Variants in TNIK observed in about 807,000 individuals in gnomAD.
The protein encoded by TNIK is TRAF2 and NCK interacting kinase.
TNIK carries 49 observed loss-of-function variants against 191.3 expected under a neutral mutation model. The observed-to-expected ratio is 0.26, with a 90% CI of 0.20 to 0.32. TNIK has a LOEUF of 0.32. TNIK is among the 10% of genes least tolerant of loss of function. The pLI, the probability that TNIK is intolerant of heterozygous loss-of-function variation, is 1.00. For synonymous variants in TNIK, 594 were observed against 600.9 expected, an observed-to-expected ratio of 0.99 and a Z score of 0.17; for missense variants, 1,155 against 1,702.3, an observed-to-expected ratio of 0.68 and a Z score of 5.66.
intron 1 of TNIK, among the ~76,000 whole-genome samples, chr3:171,388,402 T>G (rs1489030342): frequency 2.0e-5 from 3 of 152,240 alleles, no homozygotes; most frequent in African/African-American, 7.2e-5. Context: ...ATGTAGTAAC[T>G]TACATATTTT....
chr3:171,299,136 A>G (rs190428597), intron 2 of TNIK, among the ~76,000 whole-genome samples: 1 of 152,228 alleles, frequency 6.6e-6, no homozygotes, highest in East Asian at 1.9e-4. Context: ...GACCTTTCCC[A>G]TCCATCTTCC....
At chr3:171,289,045 T>G (rs1188612385) in intron 2 of TNIK, among the ~76,000 whole-genome samples, 1 of 152,194 alleles carries the variant, frequency 6.6e-6, no homozygotes, top group Non-Finnish European at 1.5e-5. Flanking sequence ...ATAATGTATA[T>G]GTTCTCATTC....
chr3:171,404,387 A>T (rs1721397581), intron 1 of TNIK, among the ~76,000 whole-genome samples: 1 of 152,094 alleles, frequency 6.6e-6, no homozygotes, highest in Non-Finnish European at 1.5e-5. Context: ...ACATTTGTCA[A>T]TTTTTTTCCC....
rs150184267 is a variant in TNIK at position 171,437,232 on chromosome 3, T to G, written c.57+22775A>C. Among the ~76,000 whole-genome samples the G allele has an allele frequency of 3.7e-4, 56 of 152,250 alleles. No individual in the cohort carries two copies. In the East Asian group the frequency reaches 5.8e-3, roughly 16 times the overall value. ...TTGTAAAGGAAAAAAGCACCCAAGC[T>G]TAGTAGGAGGTACACAGTAGAGAAC... is the stretch of plus-strand genomic sequence containing the variant. On this transcript the variant is annotated intron_variant, in intron 1 of 32. Transcript: ENST00000436636.
intron 2 of TNIK, among the ~76,000 whole-genome samples, chr3:171,352,282 T>C (rs1273211208): frequency 6.6e-6 from 1 of 152,194 alleles, no homozygotes; most frequent in African/African-American, 2.4e-5. Flanking sequence ...CATGTGGCAT[T>C]AAAAACTCCA....
At chr3:171,368,781 G>A (rs1363340987) in intron 2 of TNIK, among the ~76,000 whole-genome samples, 1 of 151,976 alleles carries the variant, frequency 6.6e-6, no homozygotes, top group Non-Finnish European at 1.5e-5. Flanking sequence ...AATTTGTAAT[G>A]GAAATGCCAT....
At chr3:171,236,456 C>T (rs1359308694) in intron 2 of TNIK, among the ~76,000 whole-genome samples, 1 of 151,916 alleles carries the variant, frequency 6.6e-6, no homozygotes, top group Admixed American at 6.6e-5. Flanking sequence ...TGAAATAGGC[C>T]CTGGAGGCTC....
At chr3:171,351,919 T>C (rs1026329995) in intron 2 of TNIK, among the ~76,000 whole-genome samples, 2 of 152,222 alleles carry the variant, frequency 1.3e-5, no homozygotes, top group South Asian at 4.1e-4. Flanking sequence ...TCCTGAACCC[T>C]GGATTTATGC....
chr3:171,419,895 G>T (rs1050067184), intron 1 of TNIK, among the ~76,000 whole-genome samples: 1 of 152,204 alleles, frequency 6.6e-6, no homozygotes, highest in Non-Finnish European at 1.5e-5. Flanking sequence ...TACTGCAGAA[G>T]TGGAAGCACT....
chr3:171,210,862 A>AAC (rs1164508922), intron 4 of TNIK, among the ~76,000 whole-genome samples: 1 of 152,130 alleles, frequency 6.6e-6, no homozygotes, highest in Admixed American at 6.5e-5. Flanking sequence ...AAAAAAAAAA[A>AAC]AAAAAACAGA....
chr3:171,367,860 G>A (rs1402273954), intron 2 of TNIK, among the ~76,000 whole-genome samples: 1 of 152,106 alleles, frequency 6.6e-6, no homozygotes, highest in Non-Finnish European at 1.5e-5. Context: ...GTAAAAGAGA[G>A]CAAATCTCCT....
chr3:171,087,342 T>C lies in TNIK; in HGVS notation c.2886A>G (p.Glu962=). 1 of 1,613,836 alleles carries C rather than the reference T, an allele frequency of 6.2e-7. No individual in the cohort carries two copies. Among genetic ancestry groups the C allele is most frequent in the South Asian group, 1.1e-5 (1 of 91,066 alleles). ...ATGTCAGCTGTTGCCCAGCACCTAC[T>C]TCAGTCCCAGAGTCCATCTCCTGGG... ...THSQEMDSGT[E]YGMGSSTKAS... The change falls in exon 24 of 33, where the codon GAA becomes GAG. Residue 962 remains glutamate, a splice_region_variant and synonymous_variant. Coordinates refer to ENST00000436636, the MANE Select transcript of TNIK (RefSeq NM_015028.4).
chr3:171,337,258 C>G (rs984292960), intron 2 of TNIK, among the ~76,000 whole-genome samples: 15 of 152,168 alleles, frequency 9.9e-5, no homozygotes, highest in Admixed American at 2.0e-4. Context: ...CACGAATACC[C>G]CTTAGCTGGA....
chr3:171,314,916 A>T (rs1254592752), intron 2 of TNIK, among the ~76,000 whole-genome samples: 1 of 152,152 alleles, frequency 6.6e-6, no homozygotes, highest in Admixed American at 6.6e-5. Context: ...CTTTGCAAAC[A>T]AAAAGCATTT....
intron 1 of TNIK, among the ~76,000 whole-genome samples, chr3:171,454,822 A>G (rs143929108): frequency 6.6e-6 from 1 of 152,326 alleles, no homozygotes; most frequent in African/African-American, 2.4e-5. Flanking sequence ...GAGCCCCATG[A>G]GACCTCTCAC....
intron 2 of TNIK, among the ~76,000 whole-genome samples, chr3:171,269,773 A>G (rs1002052730): frequency 6.6e-6 from 1 of 152,234 alleles, no homozygotes; most frequent in Non-Finnish European, 1.5e-5. Context: ...TTTAGAGGGA[A>G]GGTGATATGT....
At chr3:171,165,928 T>C (rs1006150585) in intron 10 of TNIK, among the ~76,000 whole-genome samples, 28 of 152,182 alleles carry the variant, frequency 1.8e-4, no homozygotes, top group Non-Finnish European at 8.8e-5. Flanking sequence ...AGCTAGCCAT[T>C]AAACCTGCTC....
intron 22 of TNIK, among the ~76,000 whole-genome samples, chr3:171,097,514 T>TA (rs1435173351): frequency 1.3e-5 from 2 of 151,906 alleles, no homozygotes; most frequent in African/African-American, 2.4e-5. Flanking sequence ...CGGTGGGAGG[T>TA]AATTGAATCA....
intron 2 of TNIK, among the ~76,000 whole-genome samples, chr3:171,293,035 C>A (rs1040586646): frequency 6.6e-6 from 1 of 152,128 alleles, no homozygotes; most frequent in Non-Finnish European, 1.5e-5. Context: ...GTGCCCACTG[C>A]TTTACAAAAC....
Sources: allele counts gnomAD v4.1 joint callset (sites outside exome capture counted in the v4.1 genomes callset), GRCh38; gene constraint gnomAD v4.1.1; transcripts MANE v1.5; gene names NCBI Gene and HGNC (gene_info 2026-07-23, HGNC 2026-07-21).